DNAH7: variants seen among roughly 807,000 people sequenced by gnomAD.
The protein encoded by DNAH7 is dynein axonemal heavy chain 7.
DNAH7 carries 397 observed loss-of-function variants against 444.6 expected under a neutral mutation model. The observed-to-expected ratio is 0.89, with a 90% confidence interval of 0.82 to 0.97. DNAH7 has a LOEUF of 0.97. Ranked by LOEUF, DNAH7 falls within the 50% of genes least tolerant of loss-of-function variation. DNAH7 has a pLI of 0.00. For synonymous variants in DNAH7, 1,636 were observed against 1,624.4 expected, an observed-to-expected ratio of 1.01 and a Z score of -0.17; for missense variants, 4,902 against 4,800.8, an observed-to-expected ratio of 1.02 and a Z score of -0.62.
rs1462864830 is a variant in DNAH7 at position 195,743,373 on chromosome 2, ATTAG to A, written c.11765-2508_11765-2505del. 3.3e-5 allele frequency among the ~76,000 whole-genome samples: 5 copies of A among 152,336 alleles called. No homozygotes were observed. In the East Asian group the frequency reaches 9.6e-4, roughly 29 times the overall value. ...TCCCTCTCATATATACATATATCCT[ATTAG>A]TTCTGTCCCTCTAGAGAACCCTAAT... On this transcript the variant is annotated intron_variant, in intron 63 of 64. Coordinates refer to ENST00000312428, the MANE Select transcript of DNAH7 (RefSeq NM_018897.3).
At chr2:195,876,455 AG>A in intron 37 of DNAH7, 88 bp downstream of exon 37, 1 of 1,294,378 alleles carries the variant, frequency 7.7e-7, no homozygotes, top group African/African-American at 1.5e-5. Context: ...CTATACAAAA[AG>A]ATGTCTCTCC....
intron 2 of DNAH7, among the ~76,000 whole-genome samples, chr2:196,055,033 A>G (rs1163110242): frequency 6.6e-6 from 1 of 152,212 alleles, no homozygotes; most frequent in Non-Finnish European, 1.5e-5. Context: ...CTGACTTTAA[A>G]GTCATTTTAG....
chr2:195,923,661 A>C lies in DNAH7; in HGVS notation c.3759T>G (p.Leu1253=), dbSNP rs1382452323. 2 of 1,614,006 alleles carry C rather than the reference A, an allele frequency of 1.2e-6. No individual in the cohort carries two copies. The highest frequency in any genetic ancestry group is 1.7e-6 in the Non-Finnish European group (2 of 1,180,016). The change falls in exon 23 of 65, where the codon CTT becomes CTG. Residue 1253 remains leucine (L), a synonymous_variant. Coordinates refer to ENST00000312428, the MANE Select transcript of DNAH7 (RefSeq NM_018897.3). ...DVHARDVLSS[L]VKKNISDDSD... is the part of the protein sequence containing the mutation. ...AGTCATCGCTAATATTTTTTTTTACAAGTGATGAGAGGACATCTCTAGCAT... is the reference window on the plus strand; with the variant it reads ...AGTCATCGCTAATATTTTTTTTTACCAGTGATGAGAGGACATCTCTAGCAT...
chr2:196,059,081 G>A (rs1436810381), intron 1 of DNAH7, among the ~76,000 whole-genome samples: 6 of 152,092 alleles, frequency 3.9e-5, no homozygotes, highest in African/African-American at 1.4e-4. Flanking sequence ...TGGAGAATTG[G>A]GCATATCTTC....
chr2:195,947,298 T>A (rs1366004828), intron 19 of DNAH7, among the ~76,000 whole-genome samples: 6 of 152,008 alleles, frequency 3.9e-5, no homozygotes, highest in South Asian at 2.1e-4. Context: ...CTTATTTTTT[T>A]AAATTATGAT....
chr2:195,850,794 G>A (rs1337876800), intron 46 of DNAH7, among the ~76,000 whole-genome samples: 1 of 152,090 alleles, frequency 6.6e-6, no homozygotes, highest in Non-Finnish European at 1.5e-5. Context: ...AAGGATGCAG[G>A]GGGAAGCAGG....
At chr2:195,808,484 T>G (rs1311241074) in intron 53 of DNAH7, among the ~76,000 whole-genome samples, 198 bp downstream of exon 53, 1 of 152,192 alleles carries the variant, frequency 6.6e-6, no homozygotes, top group Non-Finnish European at 1.5e-5. Flanking sequence ...TCTTGCATCT[T>G]AATACATTTC....
Position 195,900,509 on chromosome 2 carries a change from A to G in DNAH7, c.4336-15T>C. 6.2e-7 allele frequency: 1 copy of G among 1,609,898 alleles called. No homozygotes were observed. Among genetic ancestry groups the G allele is most frequent in the Non-Finnish European group, 8.5e-7 (1 of 1,176,524 alleles). The stretch of plus-strand genomic sequence containing the variant: ...CGAAAGAGAGCCTATGGGTAGGTAG[A>G]AAGTTACTTTTAAAAGGATCATCAT... On this transcript the variant is annotated splice_polypyrimidine_tract_variant and intron_variant, in intron 27 of 64. Transcript: ENST00000312428.
At chr2:195,943,779 T>G (rs1689622047) in intron 19 of DNAH7, among the ~76,000 whole-genome samples, 1 of 152,208 alleles carries the variant, frequency 6.6e-6, no homozygotes, top group Non-Finnish European at 1.5e-5. Context: ...CTCTCAAATG[T>G]TCTCCAATTT....
chr2:195,945,863 G>T (rs1368823802), intron 19 of DNAH7, among the ~76,000 whole-genome samples: 1 of 152,136 alleles, frequency 6.6e-6, no homozygotes. Flanking sequence ...AACCAAGTTT[G>T]GGGGTGAAAT....
intron 15 of DNAH7, among the ~76,000 whole-genome samples, 154 bp from the exon 16 acceptor site, chr2:195,972,620 C>A (rs188895063): frequency 1.3e-5 from 2 of 152,088 alleles, no homozygotes; most frequent in East Asian, 3.8e-4. Flanking sequence ...TCCTTCTCAT[C>A]CCTCCCAAAC....
chr2:195,985,780 A>G (rs1228224600), intron 14 of DNAH7, among the ~76,000 whole-genome samples: 1 of 152,220 alleles, frequency 6.6e-6, no homozygotes, highest in Non-Finnish European at 1.5e-5. Flanking sequence ...ATGAACAGCA[A>G]TAAGAAGACA....
At chr2:195,761,403 A>T (rs1694344479) in intron 61 of DNAH7, among the ~76,000 whole-genome samples, 1 of 152,174 alleles carries the variant, frequency 6.6e-6, no homozygotes, top group Non-Finnish European at 1.5e-5. Context: ...AGAGAGATAT[A>T]TATGGGAAGA....
chr2:196,004,348 T>C (rs1024418805), intron 10 of DNAH7, among the ~76,000 whole-genome samples: 5 of 152,158 alleles, frequency 3.3e-5, no homozygotes, highest in African/African-American at 2.4e-5. Context: ...GAGGAAGGGA[T>C]ACACATGCAA....
intron 46 of DNAH7, among the ~76,000 whole-genome samples, chr2:195,850,654 G>A (rs1699307176): frequency 6.6e-6 from 1 of 152,124 alleles, no homozygotes; most frequent in African/African-American, 2.4e-5. Flanking sequence ...TATTTATTGA[G>A]GGCCCTTGAT....
At chr2:195,786,349 T>C (rs1695621206) in intron 58 of DNAH7, among the ~76,000 whole-genome samples, 1 of 152,232 alleles carries the variant, frequency 6.6e-6, no homozygotes, top group Admixed American at 6.5e-5. Flanking sequence ...CTCATATTTT[T>C]ATAGGACATT....
rs1207322880 is a variant in DNAH7, at chr2:195,853,546, GC to G, written c.8596-19del. 6.3e-7 allele frequency: 1 copy of G among 1,596,074 alleles called. No individual in the cohort carries two copies. The highest frequency in any genetic ancestry group is 1.1e-5 in the South Asian group (1 of 88,570). ...AGGTCAACCTCGAAAATAAAAGTGA[GC>G]TTTTATCAACATTTACAAGTATAAG... On this transcript the variant is annotated intron_variant, in intron 45 of 64. Transcript: ENST00000312428.
chr2:195,806,160 A>AG, intron 54 of DNAH7, among the ~76,000 whole-genome samples: 1 of 151,930 alleles, frequency 6.6e-6, no homozygotes, highest in East Asian at 1.9e-4. Context: ...CAATATTCAT[A>AG]GGTGAATTTT....
In DNAH7 at chr2:195,808,823, A is replaced by G. The variant is rs1476638253; in HGVS notation, c.9942T>C (p.Asn3314=). The G allele has an allele frequency of 6.2e-7, 1 of 1,613,830 alleles. No individual in the cohort carries two copies. The highest frequency in any genetic ancestry group is 1.3e-5 in the African/African-American group (1 of 74,916). Residue 3314 remains asparagine, a synonymous_variant, in exon 53 of 65, where the codon AAT becomes AAC. Coordinates refer to ENST00000312428, the MANE Select transcript of DNAH7 (RefSeq NM_018897.3). ...FLLTGGIGLD[N]PYANLCTWLP... ...GCCATGTACAAAGGTTGGCATAAGG[A>G]TTATCCAGTCCAATGCCACCAGTTA...
Sources: gnomAD v4.1 joint callset for allele counts (sites outside exome capture counted in the v4.1 genomes callset) on GRCh38, gnomAD v4.1.1 for gene constraint, MANE v1.5 for transcripts, NCBI Gene and HGNC (gene_info 2026-07-23, HGNC 2026-07-21) for gene names.